Variants in CDYL2 observed in about 807,000 individuals in gnomAD.
CDYL2 encodes chromodomain Y like 2.
A neutral mutation model predicts 49.4 loss-of-function variants in CDYL2; 23 were observed. The observed-to-expected ratio is 0.47, with a 90% confidence interval of 0.34 to 0.66. The LOEUF is 0.66. Ranked by LOEUF, CDYL2 falls within the 30% of genes least tolerant of loss-of-function variation. The pLI is 0.01. For synonymous variants in CDYL2, 360 were observed against 268.8 expected, an observed-to-expected ratio of 1.34 and a Z score of -3.32; for missense variants, 678 against 656.4, an observed-to-expected ratio of 1.03 and a Z score of -0.36.
In CDYL2 at chr16:80,620,943, C is replaced by A; in HGVS notation, c.835-8G>T. 6.3e-7 allele frequency: 1 copy of A among 1,586,116 alleles called. No individual in the cohort carries two copies. Among genetic ancestry groups the A allele is most frequent in the Non-Finnish European group, 8.6e-7 (1 of 1,162,000 alleles). On this transcript the variant is annotated splice_polypyrimidine_tract_variant and splice_region_variant and intron_variant, in intron 3 of 6. Transcript: ENST00000570137. ...CCGGACTTCTTTCATGATCTGCCGGCAGAGATGAATTTGCAGGGATGTTAA... is the reference window on the plus strand; with the variant it reads ...CCGGACTTCTTTCATGATCTGCCGGAAGAGATGAATTTGCAGGGATGTTAA...
intron 1 of CDYL2, among the ~76,000 whole-genome samples, chr16:80,701,793 T>C (rs916137795): frequency 2.6e-5 from 4 of 152,208 alleles, no homozygotes; most frequent in Admixed American, 6.5e-5. Flanking sequence ...CTTTACAAAA[T>C]GGTTCTCAAG....
chr16:80,678,454 C>T (rs896446253), intron 2 of CDYL2, among the ~76,000 whole-genome samples: 1 of 152,050 alleles, frequency 6.6e-6, no homozygotes, highest in East Asian at 1.9e-4. Flanking sequence ...GGGCGAAGGA[C>T]ATGAACAGAC....
intron 2 of CDYL2, among the ~76,000 whole-genome samples, chr16:80,648,883 A>C (rs563395298): frequency 1.5e-3 from 230 of 152,320 alleles, no homozygotes; most frequent in African/African-American, 5.1e-3. Flanking sequence ...CAACAGAATG[A>C]TGGACAAAAA....
At chr16:80,606,912 C>T (rs1305706881) in intron 6 of CDYL2, among the ~76,000 whole-genome samples, 1 of 152,188 alleles carries the variant, frequency 6.6e-6, no homozygotes, top group Non-Finnish European at 1.5e-5. Context: ...ATTGTGAGGC[C>T]TCCCCAGCCA....
At chr16:80,721,568 C>G (rs1420771577) in intron 1 of CDYL2, among the ~76,000 whole-genome samples, 1 of 152,202 alleles carries the variant, frequency 6.6e-6, no homozygotes, top group South Asian at 2.1e-4. Flanking sequence ...CTTTGCAAAG[C>G]CAAGCTGCTG....
At chr16:80,781,825 G>T (rs925303523) in intron 1 of CDYL2, among the ~76,000 whole-genome samples, 5 of 151,834 alleles carry the variant, frequency 3.3e-5, no homozygotes, top group Non-Finnish European at 5.9e-5. Context: ...AAATCACAAG[G>T]TAACTTAGGA....
chr16:80,716,060 A>T (rs1275685014), intron 1 of CDYL2, among the ~76,000 whole-genome samples: 1 of 152,218 alleles, frequency 6.6e-6, no homozygotes, highest in East Asian at 1.9e-4. Context: ...CCTTCATGGG[A>T]TCATTATAAG....
chr16:80,645,516 A>G (rs927372364), intron 2 of CDYL2, among the ~76,000 whole-genome samples: 4 of 152,150 alleles, frequency 2.6e-5, no homozygotes, highest in African/African-American at 9.7e-5. Flanking sequence ...GAGAAATAGG[A>G]ACACTTTTAC....
intron 1 of CDYL2, among the ~76,000 whole-genome samples, chr16:80,755,006 C>A (rs1906261586): frequency 1.3e-5 from 2 of 152,134 alleles, no homozygotes; most frequent in African/African-American, 2.4e-5. Flanking sequence ...TGCCCTTCAG[C>A]TGAAGGGAAA....
At chr16:80,759,206 T>C (rs889049683) in intron 1 of CDYL2, among the ~76,000 whole-genome samples, 1 of 145,774 alleles carries the variant, frequency 6.9e-6, no homozygotes, top group South Asian at 2.1e-4. Context: ...ATTTGATATG[T>C]TAATCTACCT....
intron 1 of CDYL2, among the ~76,000 whole-genome samples, chr16:80,688,760 T>A (rs930328626): frequency 6.6e-6 from 1 of 152,196 alleles, no homozygotes; most frequent in Admixed American, 6.5e-5. Context: ...AGAACCTGAA[T>A]TGTAATTTGT....
intron 2 of CDYL2, among the ~76,000 whole-genome samples, chr16:80,682,996 G>A (rs750178620): frequency 3.9e-4 from 60 of 152,248 alleles, no homozygotes; most frequent in African/African-American, 1.2e-3. Context: ...GCCTCAACAC[G>A]GATTGCTCAG....
At chr16:80,672,044 T>C (rs1909532661) in intron 2 of CDYL2, among the ~76,000 whole-genome samples, 1 of 152,218 alleles carries the variant, frequency 6.6e-6, no homozygotes, top group African/African-American at 2.4e-5. Context: ...AATATTTGTA[T>C]TATACTTACC....
intron 1 of CDYL2, among the ~76,000 whole-genome samples, chr16:80,689,134 C>G (rs764133646): frequency 6.6e-6 from 1 of 152,188 alleles, no homozygotes; most frequent in Non-Finnish European, 1.5e-5. Context: ...CCACCAGCTT[C>G]TTTTCTCAAA....
intron 1 of CDYL2, among the ~76,000 whole-genome samples, chr16:80,729,407 T>C (rs1156287749): frequency 1.3e-5 from 2 of 152,202 alleles, no homozygotes; most frequent in Non-Finnish European, 2.9e-5. Context: ...CTAACTATCC[T>C]AAATATATAC....
chr16:80,635,275 T>C (rs939208230), intron 2 of CDYL2, among the ~76,000 whole-genome samples: 59 of 152,202 alleles, frequency 3.9e-4, no homozygotes, highest in Admixed American at 3.3e-4. Context: ...CCTAGTCCAA[T>C]TGTCTCTGTT....
intron 2 of CDYL2, among the ~76,000 whole-genome samples, chr16:80,649,751 C>A (rs148415434): frequency 6.6e-6 from 1 of 152,148 alleles, no homozygotes; most frequent in Non-Finnish European, 1.5e-5. Flanking sequence ...CAGCACGGTA[C>A]TGGCATAAAA....
intron 1 of CDYL2, among the ~76,000 whole-genome samples, chr16:80,700,756 G>A (rs1160755141): frequency 6.6e-6 from 1 of 152,236 alleles, no homozygotes; most frequent in Non-Finnish European, 1.5e-5. Context: ...AAATTAAAAT[G>A]TACAACCTTC....
At chr16:80,650,619 T>A (rs1199474812) in intron 2 of CDYL2, among the ~76,000 whole-genome samples, 3 of 152,152 alleles carry the variant, frequency 2.0e-5, no homozygotes, top group Admixed American at 2.0e-4. Flanking sequence ...CACTGCTGGG[T>A]ATACACCCAA....
Sources: gnomAD v4.1 joint callset for allele counts (sites outside exome capture counted in the v4.1 genomes callset) on GRCh38, gnomAD v4.1.1 for gene constraint, MANE v1.5 for transcripts, NCBI Gene and HGNC (gene_info 2026-07-23, HGNC 2026-07-21) for gene names.